DGKA: variants seen among roughly 807,000 people sequenced by gnomAD.
The protein encoded by DGKA is 80 kDa diacylglycerol kinase.
A neutral mutation model predicts 105.0 loss-of-function variants in DGKA; 35 were observed. That is an observed-to-expected ratio of 0.33 (90% CI 0.25 to 0.44). DGKA has a LOEUF of 0.44. Ranked by LOEUF, DGKA falls within the 20% of genes least tolerant of loss-of-function variation. The pLI, the probability that DGKA is intolerant of heterozygous loss-of-function variation, is 1.00. For synonymous variants in DGKA, 296 were observed against 332.0 expected, an observed-to-expected ratio of 0.89 and a Z score of 1.18; for missense variants, 665 against 915.0, an observed-to-expected ratio of 0.73 and a Z score of 3.53.
Position 55,939,262 on chromosome 12 carries a change from G to A in DGKA, c.551G>A (p.Gly184Glu). 1.2e-6 allele frequency: 2 copies of A among 1,614,174 alleles called. No individual in the cohort carries two copies. The highest frequency in any genetic ancestry group is 2.2e-5 in the South Asian group (2 of 91,080). The change falls in exon 8 of 24, where the codon GGG (glycine) becomes GAG (glutamate). Residue 184 changes from glycine (G) to glutamate (E), a missense_variant. Coordinates refer to ENST00000331886, the MANE Select transcript of DGKA (RefSeq NM_001345.5). The part of the protein sequence containing the change: ...SVSQAEWVRA[G>E]ATTVPLLVLL... Reference sequence around the variant, plus strand: ...TCTCAAGCTGAGTGGGTCCGGGCTGGGGCCACCACCGTGCCACTGCTAGTG... The same window carrying A: ...TCTCAAGCTGAGTGGGTCCGGGCTGAGGCCACCACCGTGCCACTGCTAGTG...
chr12:55,941,008 T>C (rs893385925), intron 13 of DGKA, 28 bp downstream of exon 13: 1 of 1,607,872 alleles, frequency 6.2e-7, no homozygotes, highest in African/African-American at 1.3e-5. Flanking sequence ...TTGGGCTTCA[T>C]GATGGGGGCA....
chr12:55,945,189 G>T (rs1229388931), intron 17 of DGKA, among the ~76,000 whole-genome samples: 3 of 152,206 alleles, frequency 2.0e-5, no homozygotes, highest in Non-Finnish European at 4.4e-5. Context: ...AGATGTTGTG[G>T]TGGGTGGTTA....
upstream of DGKA, chr12:55,929,507 A>C (rs1273040330): frequency 6.6e-6 from 1 of 152,140 alleles, no homozygotes; most frequent in Admixed American, 6.5e-5. Context: ...AGGAAGTGAA[A>C]CTCAATTGTC....
chr12:55,940,045 C>A lies in DGKA; in HGVS notation c.710-37C>A. On this transcript the variant is annotated intron_variant, in intron 9 of 23. Transcript: ENST00000331886. The surrounding 1 kb of genome is among the most constrained non-coding windows in gnomAD (Gnocchi z 4.3). ...GGTAAGAAGGAAATAGGGGGAGAGG[C>A]TCAGCTAAGCCTCCCAACTTCTTCC... The A allele has an allele frequency of 1.3e-6, 2 of 1,571,816 alleles. No individual in the cohort carries two copies. The highest frequency in any genetic ancestry group is 1.1e-5 in the South Asian group (1 of 90,112).
intron 9 of DGKA, chr12:55,939,783 A>T: frequency 1.7e-6 from 1 of 587,650 alleles, no homozygotes; most frequent in Non-Finnish European, 3.0e-6. Context: ...ATAAAATGCA[A>T]TAAAAAATAT....
In DGKA at chr12:55,939,166, C is replaced by G; in HGVS notation, c.475-20C>G. ...TGAAGACCCACTCATACTGAAAGTC[C>G]CTTTCCACTCTGTGCTCAGATTCTT... On this transcript the variant is annotated intron_variant, in intron 7 of 23. Transcript: ENST00000331886. 1.2e-6 allele frequency: 2 copies of G among 1,612,810 alleles called. No homozygotes were observed. The highest frequency in any genetic ancestry group is 1.7e-6 in the Non-Finnish European group (2 of 1,179,312).
rs990344918 is a variant in DGKA, at chr12:55,941,545, G to T, written c.1211G>T (p.Arg404Leu). The change falls in exon 15 of 24, where the codon CGA becomes CTA. Residue 404 changes from arginine (R) to leucine (L), a missense_variant. Coordinates refer to ENST00000331886, the MANE Select transcript of DGKA (RefSeq NM_001345.5). ...LWKFQYILNP[R>L]QVFNLLKDGP... is the part of the protein sequence containing the mutation. ...AAGTTCCAGTATATATTAAACCCTC[G>T]ACAGGTGTTCAACCTCCTAAAGGAT... 5 of 1,614,098 alleles carry T rather than the reference G, an allele frequency of 3.1e-6. No homozygotes were observed. The South Asian group carries it at 3.3e-5, about 11-fold the overall frequency.
chr12:55,946,604 G>A (rs899395908), intron 17 of DGKA, among the ~76,000 whole-genome samples: 4 of 152,148 alleles, frequency 2.6e-5, no homozygotes, highest in Non-Finnish European at 4.4e-5. Context: ...TGATCCACCC[G>A]CCTCGGCCTC....
chr12:55,950,051 T>G (rs1020192678), intron 17 of DGKA, among the ~76,000 whole-genome samples: 1 of 151,874 alleles, frequency 6.6e-6, no homozygotes, highest in Non-Finnish European at 1.5e-5. Context: ...CTCAGCTCAC[T>G]GCAACCTCCG....
chr12:55,937,228 C>A, intron 3 of DGKA, 138 bp downstream of exon 3: 1 of 1,230,122 alleles, frequency 8.1e-7, no homozygotes. Flanking sequence ...GTCACTCTGA[C>A]TATTGCTTTA....
At chr12:55,927,350 C>A (rs747691558), upstream of DGKA, 6 of 731,222 alleles carry the variant, frequency 8.2e-6, no homozygotes, top group Non-Finnish European at 1.5e-5. Flanking sequence ...GTAAAACAGT[C>A]CTCAGGGAGC....
chr12:55,941,627 C>T (rs1434649566), intron 15 of DGKA, 43 bp downstream of exon 15: 2 of 1,582,582 alleles, frequency 1.3e-6, no homozygotes. Flanking sequence ...TTTCGTGGGT[C>T]TGTGTATCTG....
At chr12:55,934,922 G>A (rs1197360799) in intron 1 of DGKA, among the ~76,000 whole-genome samples, 2 of 152,316 alleles carry the variant, frequency 1.3e-5, no homozygotes, top group South Asian at 4.1e-4. Context: ...GCTTTGAGCA[G>A]GGGAGAGCTT....
chr12:55,943,422 T>C (rs1886403374), intron 17 of DGKA: 1 of 152,114 alleles, frequency 6.6e-6, no homozygotes, highest in South Asian at 2.1e-4. Flanking sequence ...AATACAGGTG[T>C]GTGCCATCAC....
chr12:55,945,201 A>C (rs1033032034), intron 17 of DGKA, among the ~76,000 whole-genome samples: 5 of 152,224 alleles, frequency 3.3e-5, no homozygotes, highest in Admixed American at 2.0e-4. Flanking sequence ...GGGTGGTTAG[A>C]AATACATGTC....
At chr12:55,942,322 G>A in intron 17 of DGKA, 59 bp downstream of exon 17, 3 of 1,530,400 alleles carry the variant, frequency 2.0e-6, no homozygotes, top group African/African-American at 1.4e-5. Flanking sequence ...GAAGGGAAAG[G>A]CACTTAGAGA....
chr12:55,940,315 T>A lies in DGKA; in HGVS notation c.800T>A (p.Val267Asp). Residue 267 changes from valine (V) to aspartate (D), a missense_variant and splice_region_variant, in exon 11 of 24, where the codon GTC (valine) becomes GAC (aspartate). Physicochemically the swap from Val to Asp is radical, Grantham distance 152. This residue lies in a region of DGKA where 504 missense variants were observed against 681.2 expected (regional missense o/e 0.74). Transcript: ENST00000331886. The surrounding 1 kb of genome is among the most constrained non-coding windows in gnomAD (Gnocchi z 4.3). ...CAAGGAACTGCCTTTCTCCCCAAGG[T>A]CCAATCACATGTGTGGGTGCGAGGA... is the stretch of plus-strand genomic sequence containing the variant. The part of the protein sequence containing the change: ...TYAKSRKDIG[V>D]QSHVWVRGGC... 6.2e-7 allele frequency: 1 copy of A among 1,614,152 alleles called. No individual in the cohort carries two copies. The highest frequency in any genetic ancestry group is 8.5e-7 in the Non-Finnish European group (1 of 1,180,028).
Position 55,952,333 on chromosome 12 carries a change from T to C in DGKA, c.1653-8T>C. On this transcript the variant is annotated splice_polypyrimidine_tract_variant and splice_region_variant and intron_variant, in intron 19 of 23. Transcript: ENST00000331886. The surrounding 1 kb of genome is among the most constrained non-coding windows in gnomAD (Gnocchi z 5.1). The stretch of plus-strand genomic sequence containing the variant: ...TCCCTACTGGGCCTTGTGTTGGGGC[T>C]GACACAGAATGAAGAACAAGCTATG... The C allele has an allele frequency of 6.2e-7, 1 of 1,614,044 alleles. No homozygotes were observed. Among genetic ancestry groups the C allele is most frequent in the Non-Finnish European group, 8.5e-7 (1 of 1,179,934 alleles).
rs1439668873 is a variant in DGKA, at chr12:55,942,018, T to C, written c.1271T>C (p.Val424Ala). 12 of 1,614,192 alleles carry C rather than the reference T, an allele frequency of 7.4e-6. No homozygotes were observed. The highest frequency in any genetic ancestry group is 8.5e-6 in the Non-Finnish European group (10 of 1,180,024). ...CTCAGGCTCCGATTATTCAAGGATGTTCCTGATAGCCGGATTTTGGTGTGT... is the reference window on the plus strand; with the variant it reads ...CTCAGGCTCCGATTATTCAAGGATGCTCCTGATAGCCGGATTTTGGTGTGT... ...PEIGLRLFKD[V>A]PDSRILVCGG... The change falls in exon 16 of 24, where the codon GTT (valine) becomes GCT (alanine). Residue 424 changes from valine to alanine, a missense_variant. This residue lies in a region of DGKA where 504 missense variants were observed against 681.2 expected (regional missense o/e 0.74). Coordinates refer to ENST00000331886, the MANE Select transcript of DGKA (RefSeq NM_001345.5).
Sources: gnomAD v4.1 joint callset for allele counts (sites outside exome capture counted in the v4.1 genomes callset) on GRCh38, gnomAD v4.1.1 for gene constraint, gnomAD v4.1.1 regional missense constraint, Gnocchi (gnomAD v3.1) non-coding constraint, MANE v1.5 for transcripts, NCBI Gene and HGNC (gene_info 2026-07-23, HGNC 2026-07-21) for gene names.